The following MAP4K4 variants were observed in gnomAD, a reference collection of about 807,000 sequenced individuals.
MAP4K4 encodes the protein HPK/GCK-like kinase HGK.
A neutral mutation model predicts 189.6 loss-of-function variants in MAP4K4; 38 were observed. That is an observed-to-expected ratio of 0.20 (90% CI 0.15 to 0.26). MAP4K4 has a LOEUF of 0.26. Among genes scored for constraint, MAP4K4 ranks in the 10% least tolerant of loss-of-function variants. MAP4K4 has a pLI of 1.00. For missense variants in MAP4K4, 1,054 were observed against 1,726.9 expected, an observed-to-expected ratio of 0.61 and a Z score of 6.91; for synonymous variants, 610 against 624.3, an observed-to-expected ratio of 0.98 and a Z score of 0.34.
At chr2:101,889,238 A>G (rs1004373521) in intron 32 of MAP4K4, among the ~76,000 whole-genome samples, 1 of 152,176 alleles carries the variant, frequency 6.6e-6, no homozygotes, top group Non-Finnish European at 1.5e-5. Flanking sequence ...AAAAGCTGCC[A>G]GTTCAGTTGG....
intron 9 of MAP4K4, 151 bp downstream of exon 9, chr2:101,836,129 GA>G (rs1386525891): frequency 6.2e-6 from 1 of 162,090 alleles, no homozygotes; most frequent in African/African-American, 2.4e-5. Flanking sequence ...AAGATGCGTT[GA>G]TTTTTTTTAA....
At chr2:101,846,316 C>G (rs2097108309) in intron 12 of MAP4K4, among the ~76,000 whole-genome samples, 1 of 152,188 alleles carries the variant, frequency 6.6e-6, no homozygotes, top group South Asian at 2.1e-4. Flanking sequence ...TTTTGAGACT[C>G]TGGCTGTTTC....
At chr2:101,772,732 A>C (rs1368845402) in intron 2 of MAP4K4, among the ~76,000 whole-genome samples, 1 of 152,180 alleles carries the variant, frequency 6.6e-6, no homozygotes, top group Non-Finnish European at 1.5e-5. Flanking sequence ...AATATAAAGA[A>C]TTGCTTAGGT....
intron 2 of MAP4K4, among the ~76,000 whole-genome samples, chr2:101,729,306 T>TTGTAG (rs879798399): frequency 1.2e-3 from 190 of 152,328 alleles, no homozygotes; most frequent in African/African-American, 4.5e-3. Flanking sequence ...CAGTGCTCCG[T>TTGTAG]AGTACAATCT....
At chr2:101,891,989 A>T (rs2098576235) in exon 33 of MAP4K4, 2 of 22,560 alleles carry the variant, frequency 8.9e-5, no homozygotes, top group African/African-American at 1.4e-4. Flanking sequence ...GATGGTTCTA[A>T]AAAAAAAAAA....
exon 17 of MAP4K4, chr2:101,863,870 C>T (rs765614867): frequency 7.3e-6 from 10 of 1,367,584 alleles, no homozygotes; most frequent in African/African-American, 1.5e-5. Flanking sequence ...TCCCCTGTCT[C>T]GCGATCCCAT....
intron 2 of MAP4K4, among the ~76,000 whole-genome samples, chr2:101,741,164 A>ATT (rs11341237): frequency 3.5e-4 from 39 of 111,380 alleles, no homozygotes; most frequent in African/African-American, 5.7e-4. Flanking sequence ...GGTAGTAGGT[A>ATT]TTTTTTTTTT....
intron 29 of MAP4K4, among the ~76,000 whole-genome samples, chr2:101,885,586 T>G (rs992159739): frequency 6.6e-6 from 1 of 152,224 alleles, no homozygotes; most frequent in Admixed American, 6.5e-5. Context: ...AAAGGTGACC[T>G]TCACCTGAGT....
At chr2:101,852,489 G>A (rs189759808) in intron 12 of MAP4K4, among the ~76,000 whole-genome samples, 1 of 152,160 alleles carries the variant, frequency 6.6e-6, no homozygotes, top group Non-Finnish European at 1.5e-5. Context: ...TCTCTTTTGT[G>A]TTGATCTAGT....
intron 2 of MAP4K4, among the ~76,000 whole-genome samples, chr2:101,784,160 AGCT>A (rs1486038181): frequency 6.6e-6 from 1 of 152,252 alleles, no homozygotes; most frequent in African/African-American, 2.4e-5. Context: ...CTTCCTGAAC[AGCT>A]GCTTTTGCAC....
At chr2:101,714,127 T>C (rs1185365885) in intron 2 of MAP4K4, among the ~76,000 whole-genome samples, 2 of 152,232 alleles carry the variant, frequency 1.3e-5, no homozygotes, top group East Asian at 3.8e-4. Flanking sequence ...GGAAGTCTAA[T>C]GGTGCTGCGG....
chr2:101,777,995 T>C (rs911633443), intron 2 of MAP4K4, among the ~76,000 whole-genome samples: 1 of 152,212 alleles, frequency 6.6e-6, no homozygotes. Context: ...TTTGGTGTAC[T>C]TGTTGCTGGA....
intron 3 of MAP4K4, 54 bp from the exon 4 acceptor site, chr2:101,823,874 A>G: frequency 6.7e-7 from 1 of 1,494,080 alleles, no homozygotes; most frequent in East Asian, 2.4e-5. Context: ...TGGGGGAAGT[A>G]AAGTCATTCA....
intron 2 of MAP4K4, among the ~76,000 whole-genome samples, chr2:101,768,738 C>G (rs2079870836): frequency 6.6e-6 from 1 of 152,186 alleles, no homozygotes; most frequent in Non-Finnish European, 1.5e-5. Flanking sequence ...TGGTACTTCT[C>G]CAACAGTCTA....
At chr2:101,707,847 C>T (rs1465124100) in intron 2 of MAP4K4, among the ~76,000 whole-genome samples, 7 of 129,016 alleles carry the variant, frequency 5.4e-5, no homozygotes, top group Admixed American at 3.4e-4. Flanking sequence ...TCTGCCACCA[C>T]GCCTGGCTAA....
chr2:101,851,975 T>C (rs2097300566), intron 12 of MAP4K4, among the ~76,000 whole-genome samples: 1 of 152,030 alleles, frequency 6.6e-6, no homozygotes, highest in African/African-American at 2.4e-5. Context: ...GGATTAGTTG[T>C]TTGTAGTCTT....
intron 1 of MAP4K4, 117 bp from the exon 2 acceptor site, chr2:101,698,356 C>G (rs1276861273): frequency 8.7e-6 from 9 of 1,034,198 alleles, no homozygotes; most frequent in African/African-American, 1.6e-5. Flanking sequence ...GCTGGGGGAC[C>G]GCGCGGGGCG....
intron 3 of MAP4K4, among the ~76,000 whole-genome samples, chr2:101,808,974 T>C (rs968315314): frequency 2.0e-5 from 3 of 152,216 alleles, no homozygotes; most frequent in African/African-American, 7.2e-5. Context: ...CTATTTCTTA[T>C]GGCTGCCAGT....
chr2:101,819,337 A>T (rs753006790), intron 3 of MAP4K4, among the ~76,000 whole-genome samples: 6 of 152,252 alleles, frequency 3.9e-5, no homozygotes, highest in Non-Finnish European at 7.3e-5. Flanking sequence ...TAAAGACAAC[A>T]TAAAATACTG....
Sources: allele counts gnomAD v4.1 joint callset (sites outside exome capture counted in the v4.1 genomes callset), GRCh38; gene constraint gnomAD v4.1.1; transcripts MANE v1.5; gene names NCBI Gene and HGNC (gene_info 2026-07-23, HGNC 2026-07-21).